Variants in OGDH observed in about 807,000 individuals in gnomAD.
The protein encoded by OGDH is oxoglutarate dehydrogenase.
Under a neutral mutation model 116.6 loss-of-function variants are expected in OGDH, and 38 were observed. The observed-to-expected ratio is 0.33, with a 90% CI of 0.25 to 0.43. OGDH has a LOEUF of 0.43. Among genes scored for constraint, OGDH ranks in the 20% least tolerant of loss-of-function variants. The pLI is 1.00. For missense variants in OGDH, 825 were observed against 1,357.2 expected (o/e 0.61, Z 6.16); for synonymous variants, 488 against 533.3 (o/e 0.92, Z 1.17).
chr7:44,633,328 A>T (rs1037942928), intron 2 of OGDH, among the ~76,000 whole-genome samples: 1 of 150,664 alleles, frequency 6.6e-6, no homozygotes, highest in Non-Finnish European at 1.5e-5. Flanking sequence ...TGTTCCAGTG[A>T]GTTCCATTCT....
intron 4 of OGDH, among the ~76,000 whole-genome samples, chr7:44,657,733 A>G (rs921181923): frequency 6.6e-6 from 1 of 152,220 alleles, no homozygotes; most frequent in Non-Finnish European, 1.5e-5. Context: ...ATGTTCTCCT[A>G]TACATTTTTC....
At chr7:44,656,544 G>A (rs1367261805) in intron 4 of OGDH, among the ~76,000 whole-genome samples, 1 of 152,172 alleles carries the variant, frequency 6.6e-6, no homozygotes, top group African/African-American at 2.4e-5. Flanking sequence ...AATAAGTAGA[G>A]CTACTTATAT....
chr7:44,692,959 T>C (rs986764372), intron 10 of OGDH, among the ~76,000 whole-genome samples: 1 of 150,422 alleles, frequency 6.6e-6, no homozygotes, highest in Non-Finnish European at 1.5e-5. Context: ...TGAGCTACGA[T>C]TGCACCACTG....
chr7:44,698,647 C>T (rs1788693601), intron 18 of OGDH, among the ~76,000 whole-genome samples: 1 of 152,004 alleles, frequency 6.6e-6, no homozygotes, highest in Non-Finnish European at 1.5e-5. Context: ...AAAGAACCAG[C>T]CTGGGCAACA....
chr7:44,675,882 A>G, intron 8 of OGDH, 88 bp from the exon 9 acceptor site: 1 of 1,474,120 alleles, frequency 6.8e-7, no homozygotes, highest in East Asian at 2.3e-5. Flanking sequence ...CATCTCAAAA[A>G]AAAAAAAAAA....
intron 2 of OGDH, among the ~76,000 whole-genome samples, chr7:44,637,830 A>G (rs1460484794): frequency 4.6e-5 from 7 of 152,138 alleles, no homozygotes; most frequent in Admixed American, 4.6e-4. Flanking sequence ...AAAAAAAAAA[A>G]AAATGGTATT....
intron 1 of OGDH, among the ~76,000 whole-genome samples, chr7:44,617,957 G>A (rs779184329): frequency 9.9e-5 from 15 of 152,152 alleles, no homozygotes; most frequent in Admixed American, 1.3e-4. Flanking sequence ...CTGGGATAGG[G>A]TACCTCCTAC....
chr7:44,646,971 G>T (rs1786214166), intron 3 of OGDH, among the ~76,000 whole-genome samples: 1 of 152,138 alleles, frequency 6.6e-6, no homozygotes, highest in African/African-American at 2.4e-5. Flanking sequence ...ATTTTAAATT[G>T]AGGTGGGATC....
At chr7:44,653,974 C>T (rs981460901) in intron 4 of OGDH, among the ~76,000 whole-genome samples, 2 of 152,194 alleles carry the variant, frequency 1.3e-5, no homozygotes, top group Non-Finnish European at 2.9e-5. Context: ...CCTGCTTCAG[C>T]CTCCCACATA....
chr7:44,691,813 A>G (rs1318371133), intron 10 of OGDH, among the ~76,000 whole-genome samples: 3 of 140,394 alleles, frequency 2.1e-5, no homozygotes, highest in African/African-American at 5.3e-5. Context: ...CATCTCTACT[A>G]AAAAAAAAAA....
At chr7:44,647,446 C>T in intron 3 of OGDH, 8 of 1,536,830 alleles carry the variant, frequency 5.2e-6, no homozygotes, top group Non-Finnish European at 7.0e-6. Context: ...GCTTCCAGGT[C>T]AGGGGTCACC....
chr7:44,696,846 C>T (rs1200430732), intron 14 of OGDH, 68 bp from the exon 15 acceptor site: 35 of 1,505,922 alleles, frequency 2.3e-5, no homozygotes, highest in East Asian at 4.9e-5. Flanking sequence ...GCCATGGGCA[C>T]GCTGAGAAGC....
intron 10 of OGDH, among the ~76,000 whole-genome samples, chr7:44,682,583 T>C (rs2116240756): frequency 6.6e-6 from 1 of 151,834 alleles, no homozygotes; most frequent in Non-Finnish European, 1.5e-5. Flanking sequence ...TAATCCCAGC[T>C]GCTTGGGAGG....
chr7:44,643,038 G>A (rs1350689860), intron 2 of OGDH, among the ~76,000 whole-genome samples: 1 of 150,254 alleles, frequency 6.7e-6, no homozygotes, highest in African/African-American at 2.5e-5. Flanking sequence ...CAGGAGGATT[G>A]CTTGAGGCTG....
At chr7:44,667,273 C>T (rs1787227023) in intron 5 of OGDH, among the ~76,000 whole-genome samples, 1 of 152,100 alleles carries the variant, frequency 6.6e-6, no homozygotes, top group South Asian at 2.1e-4. Context: ...GGAAGGAGGA[C>T]TTTTGTGGCT....
intron 20 of OGDH, among the ~76,000 whole-genome samples, chr7:44,702,621 C>G (rs1433487391): frequency 6.6e-6 from 1 of 151,864 alleles, no homozygotes; most frequent in African/African-American, 2.4e-5. Context: ...GAGACGGAGT[C>G]TCGCTCTATC....
intron 2 of OGDH, among the ~76,000 whole-genome samples, chr7:44,641,133 C>A (rs1785915711): frequency 6.6e-6 from 1 of 150,452 alleles, no homozygotes; most frequent in Non-Finnish European, 1.5e-5. Flanking sequence ...GATCTCCTAA[C>A]CTCGTGATCC....
intron 20 of OGDH, among the ~76,000 whole-genome samples, chr7:44,704,850 A>G (rs1185764476): frequency 6.6e-6 from 1 of 151,476 alleles, no homozygotes; most frequent in Non-Finnish European, 1.5e-5. Flanking sequence ...AGCTGGGATT[A>G]CAGGCGCACG....
At chr7:44,606,808 C>T (rs1234659037) in intron 1 of OGDH, among the ~76,000 whole-genome samples, 155 bp downstream of exon 1, 1 of 152,094 alleles carries the variant, frequency 6.6e-6, no homozygotes, top group Non-Finnish European at 1.5e-5. Context: ...GAGTGGGGCT[C>T]ACGGAGGGTG....
Sources: gnomAD v4.1 joint callset for allele counts (sites outside exome capture counted in the v4.1 genomes callset) on GRCh38, gnomAD v4.1.1 for gene constraint, MANE v1.5 for transcripts, NCBI Gene and HGNC (gene_info 2026-07-23, HGNC 2026-07-21) for gene names.